Variants in TMEM63C observed in about 807,000 individuals in gnomAD.
TMEM63C encodes transmembrane protein 63C.
A neutral mutation model predicts 99.2 loss-of-function variants in TMEM63C; 32 were observed. The ratio of observed to expected loss-of-function variants is 0.32; its 90% CI spans 0.24 to 0.43. The LOEUF (loss-of-function observed/expected upper bound fraction) is 0.43, where lower values mean the gene tolerates loss of function less well. Ranked by LOEUF, TMEM63C falls within the 20% of genes least tolerant of loss-of-function variation. TMEM63C has a pLI of 1.00. For synonymous variants in TMEM63C, 376 were observed against 397.9 expected (o/e 0.94, Z 0.66); for missense variants, 826 against 1,053.0 (o/e 0.78, Z 2.98).
In TMEM63C at chr14:77,236,713, C is replaced by T. The variant is rs1033761071; in HGVS notation, c.632C>T (p.Ala211Val). Residue 211 changes from alanine to valine, a missense_variant, in exon 9 of 24, where the codon GCA (alanine) becomes GTA (valine). Transcript: ENST00000298351. ...ATGGCTCATCACTGCCTGGGGTTTG[C>T]ACCCAGGAATAGCCAAAAGGTAAGT... The part of the protein sequence containing the change: ...MFMAHHCLGF[A>V]PRNSQKVTRT... The T allele has an allele frequency of 4.3e-6, 7 of 1,611,482 alleles. No homozygotes were observed. The highest frequency in any genetic ancestry group is 1.6e-4 in the Middle Eastern group (1 of 6,078).
chr14:77,202,549 G>T (rs980461122), intron 1 of TMEM63C, among the ~76,000 whole-genome samples: 2 of 152,192 alleles, frequency 1.3e-5, no homozygotes, highest in African/African-American at 4.8e-5. Flanking sequence ...CCTGGGGGTT[G>T]TCAGCAGTTC....
intron 16 of TMEM63C, among the ~76,000 whole-genome samples, chr14:77,245,576 A>G (rs530932589): frequency 1.1e-4 from 16 of 152,372 alleles, no homozygotes; most frequent in African/African-American, 3.1e-4. Flanking sequence ...TTGCAGTTCC[A>G]TGTGGCTGGG....
chr14:77,226,595 C>T (rs1356326407), intron 6 of TMEM63C, among the ~76,000 whole-genome samples: 1 of 151,976 alleles, frequency 6.6e-6, no homozygotes, highest in African/African-American at 2.4e-5. Context: ...TTTCGACAGG[C>T]GCGATGTGGG....
At position 77,202,825 on chromosome 14, in the gene TMEM63C, G is replaced by GCACACACA. The variant is rs60544528; in HGVS notation, c.-76-10587_-76-10580dup. Among the ~76,000 whole-genome samples the GCACACACA allele has an allele frequency of 2.0e-4, 28 of 141,110 alleles. No homozygotes were observed. The East Asian group carries it at 2.6e-3, about 13-fold the overall frequency. The allele number at this position is 141,110 out of a possible 152,430, so 92.6% of individuals were successfully genotyped here. A position where few individuals can be genotyped will look rare whatever the true frequency, so the allele number is the denominator to read the frequency against. ...TAGCTACAGAGGCAGACAGGCAGGC[G>GCACACACA]CACACACACACACACACACACACAC... On this transcript the variant is annotated intron_variant, in intron 1 of 23. Coordinates refer to ENST00000298351, the MANE Select transcript of TMEM63C (RefSeq NM_020431.4).
Position 77,218,922 on chromosome 14 carries a change from G to A in TMEM63C, c.109G>A (p.Gly37Ser). ...NTVLQGQPFG[G>S]VPTVLCLNIA... is the part of the protein sequence containing the mutation. The stretch of plus-strand genomic sequence containing the variant: ...CGTCCTCCAGGGGCAGCCCTTTGGG[G>A]GTGTCCCCACCGTGCTGTGCCTCAA... Residue 37 changes from glycine to serine, a missense_variant, in exon 3 of 24, where the codon GGT becomes AGT. Transcript: ENST00000298351. 6.2e-7 allele frequency: 1 copy of A among 1,609,268 alleles called. No homozygotes were observed. Among genetic ancestry groups the A allele is most frequent in the Non-Finnish European group, 8.5e-7 (1 of 1,177,876 alleles).
chr14:77,225,967 C>T (rs968204209), intron 6 of TMEM63C, among the ~76,000 whole-genome samples: 4 of 152,104 alleles, frequency 2.6e-5, no homozygotes, highest in Non-Finnish European at 5.9e-5. Context: ...AAGCAAGCAG[C>T]CCCCAAGTCA....
At chr14:77,234,322 G>A (rs538440536) in intron 8 of TMEM63C, among the ~76,000 whole-genome samples, 1 of 151,032 alleles carries the variant, frequency 6.6e-6, no homozygotes, top group Admixed American at 6.6e-5. Context: ...CCCAAATTCT[G>A]AAATGAGCGG....
At chr14:77,248,084 C>T (rs1566631247) in intron 18 of TMEM63C, among the ~76,000 whole-genome samples, 1 of 152,176 alleles carries the variant, frequency 6.6e-6, no homozygotes, top group Non-Finnish European at 1.5e-5. Flanking sequence ...ATGCATGTAT[C>T]CCCTAACACA....
intron 1 of TMEM63C, among the ~76,000 whole-genome samples, chr14:77,208,129 T>C (rs915195599): frequency 1.3e-5 from 2 of 152,164 alleles, no homozygotes; most frequent in African/African-American, 4.8e-5. Flanking sequence ...AAAAACACTC[T>C]AGGAATCTTA....
At chr14:77,207,293 T>A (rs962696004) in intron 1 of TMEM63C, among the ~76,000 whole-genome samples, 1 of 152,266 alleles carries the variant, frequency 6.6e-6, no homozygotes, top group Non-Finnish European at 1.5e-5. Context: ...TCTCCCCTGA[T>A]GGCGTCCCAA....
At chr14:77,253,749 C>T (rs891262084) in intron 23 of TMEM63C, among the ~76,000 whole-genome samples, 11 of 152,208 alleles carry the variant, frequency 7.2e-5, no homozygotes, top group Non-Finnish European at 5.9e-5. Flanking sequence ...GCAGGCAGAG[C>T]GACACAGACA....
At chr14:77,240,668 C>T (rs1889152549) in intron 13 of TMEM63C, 60 bp downstream of exon 13, 2 of 1,574,464 alleles carry the variant, frequency 1.3e-6, no homozygotes, top group East Asian at 2.2e-5. Flanking sequence ...TCGGCACTCT[C>T]CTCCCTCTCC....
At chr14:77,239,542 A>G in intron 11 of TMEM63C, 50 bp downstream of exon 11, 3 of 1,611,326 alleles carry the variant, frequency 1.9e-6, no homozygotes, top group Non-Finnish European at 2.5e-6. Flanking sequence ...GTAAAAGGGG[A>G]GGATGGGGCT....
At chr14:77,244,274 G>GGGA in intron 15 of TMEM63C, 75 bp from the exon 16 acceptor site, 1 of 1,141,142 alleles carries the variant, frequency 8.8e-7, no homozygotes. Context: ...GGGAGTGAGT[G>GGGA]GGAGGAGAAG....
rs568897736 is a variant in TMEM63C at position 77,218,834 on chromosome 14, C to T, written c.21C>T (p.Asp7=). ...CCAGGATGTCTGCCTCACCAGACGA[C>T]CTGAGTACAGGGGGAAGGTTACAGA... MSASPD[D]LSTGGRLQNM... Residue 7 remains aspartate, a synonymous_variant, in exon 3 of 24, where the codon GAC becomes GAT. Coordinates refer to ENST00000298351, the MANE Select transcript of TMEM63C (RefSeq NM_020431.4). 6.2e-7 allele frequency: 1 copy of T among 1,613,574 alleles called. No homozygotes were observed. Among genetic ancestry groups the T allele is most frequent in the South Asian group, 1.1e-5 (1 of 90,938 alleles).
intron 11 of TMEM63C, 46 bp downstream of exon 11, chr14:77,239,538 G>T: frequency 1.2e-6 from 2 of 1,612,228 alleles, no homozygotes; most frequent in Non-Finnish European, 1.7e-6. Flanking sequence ...GGGGGTAAAA[G>T]GGGAGGATGG....
intron 9 of TMEM63C, 25 bp from the exon 10 acceptor site, chr14:77,238,669 C>G (rs1344588111): frequency 6.3e-7 from 1 of 1,593,710 alleles, no homozygotes; most frequent in South Asian, 1.1e-5. Flanking sequence ...AGTCTTCTTT[C>G]TCCATTTTTA....
At chr14:77,188,518 C>T (rs140180087) in intron 1 of TMEM63C, among the ~76,000 whole-genome samples, 2 of 152,166 alleles carry the variant, frequency 1.3e-5, no homozygotes, top group African/African-American at 2.4e-5. Context: ...GAAACTCACA[C>T]ATGTGCATAA....
At chr14:77,249,486 C>T in intron 21 of TMEM63C, 28 bp downstream of exon 21, 4 of 1,610,338 alleles carry the variant, frequency 2.5e-6, no homozygotes, top group South Asian at 1.1e-5. Context: ...CTGGAGACCC[C>T]ACCTCCACCT....
Sources: allele counts gnomAD v4.1 joint callset (sites outside exome capture counted in the v4.1 genomes callset), GRCh38; gene constraint gnomAD v4.1.1; transcripts MANE v1.5; gene names NCBI Gene and HGNC (gene_info 2026-07-23, HGNC 2026-07-21).